Variants in AOPEP observed in about 807,000 individuals in gnomAD.
AOPEP encodes aminopeptidase O.
Under a neutral mutation model 98.1 loss-of-function variants are expected in AOPEP, and 77 were observed. The ratio of observed to expected loss-of-function variants is 0.78; its 90% CI spans 0.65 to 0.95. The LOEUF is 0.95. Ranked by LOEUF, AOPEP falls within the 40% of genes least tolerant of loss-of-function variation. The pLI, the probability that AOPEP is intolerant of heterozygous loss-of-function variation, is 0.00. For synonymous variants in AOPEP, 346 were observed against 365.3 expected, an observed-to-expected ratio of 0.95 and a Z score of 0.60; for missense variants, 1,024 against 1,024.7, an observed-to-expected ratio of 1.00 and a Z score of 0.01.
the AOPEP span, among the ~76,000 whole-genome samples, chr9:95,129,173 C>G: frequency 6.6e-6 from 1 of 152,162 alleles, no homozygotes; most frequent in Non-Finnish European, 1.5e-5. Context: ...CTTGCTACCC[C>G]TACAGCTGTG....
intron 9 of AOPEP, among the ~76,000 whole-genome samples, chr9:94,965,242 TC>T (rs1346437608): frequency 6.6e-6 from 1 of 152,212 alleles, no homozygotes; most frequent in Non-Finnish European, 1.5e-5. Flanking sequence ...TTTGGGGTTG[TC>T]CCCCCGCTCC....
chr9:94,773,123 T>C lies in AOPEP; in HGVS notation c.919T>C (p.Leu307=), dbSNP rs1339171763. The C allele has an allele frequency of 6.2e-7, 1 of 1,614,110 alleles. No homozygotes were observed. The highest frequency in any genetic ancestry group is 1.7e-5 in the Admixed American group (1 of 60,006). The part of the protein sequence containing the change: ...TVRAAASFVV[L]MSGENSAKPT... ...TCGAGCAGCTGCATCTTTTGTTGTTTTAATGAGTGGGGAAAATTCTGCCAA... is the reference window on the plus strand; with the variant it reads ...TCGAGCAGCTGCATCTTTTGTTGTTCTAATGAGTGGGGAAAATTCTGCCAA... Residue 307 remains leucine (L), a synonymous_variant, in exon 3 of 17, where the codon TTA becomes CTA. Transcript: ENST00000375315.
chr9:94,753,023 G>A (rs1034562392), intron 1 of AOPEP, among the ~76,000 whole-genome samples: 1 of 152,022 alleles, frequency 6.6e-6, no homozygotes, highest in Non-Finnish European at 1.5e-5. Context: ...TTAAATAAGC[G>A]GCCTTTCTGG....
At chr9:94,780,846 G>A (rs1423360454) in intron 3 of AOPEP, among the ~76,000 whole-genome samples, 2 of 152,154 alleles carry the variant, frequency 1.3e-5, no homozygotes, top group Non-Finnish European at 2.9e-5. Context: ...TGACACATAG[G>A]CCTGATTAGC....
chr9:94,757,405 C>T (rs1020028172), intron 1 of AOPEP, among the ~76,000 whole-genome samples: 5 of 152,186 alleles, frequency 3.3e-5, no homozygotes, highest in African/African-American at 9.7e-5. Flanking sequence ...ACACATACCA[C>T]GTAGTACACT....
chr9:94,899,285 C>T (rs1196801920), intron 5 of AOPEP, among the ~76,000 whole-genome samples: 1 of 140,112 alleles, frequency 7.1e-6, no homozygotes, highest in Non-Finnish European at 1.5e-5. Context: ...CCTGGGTTCA[C>T]GCCATTCTCC....
intron 4 of AOPEP, among the ~76,000 whole-genome samples, chr9:94,797,363 G>A (rs1401325242): frequency 3.3e-5 from 5 of 151,462 alleles, no homozygotes; most frequent in South Asian, 2.1e-4. Context: ...CCAGGGAGTC[G>A]GAGGTTGCAG....
At chr9:94,998,979 C>A (rs2061398331) in intron 11 of AOPEP, among the ~76,000 whole-genome samples, 1 of 152,058 alleles carries the variant, frequency 6.6e-6, no homozygotes. Context: ...TTTGACAGTT[C>A]TTTTCATAGA....
chr9:94,926,074 A>T (rs1158004309), intron 6 of AOPEP, among the ~76,000 whole-genome samples: 1 of 152,198 alleles, frequency 6.6e-6, no homozygotes, highest in Admixed American at 6.5e-5. Context: ...TGAGACTCTC[A>T]GATTCGCGCT....
At chr9:94,727,534 T>A (rs1454261103) in intron 1 of AOPEP, among the ~76,000 whole-genome samples, 1 of 151,994 alleles carries the variant, frequency 6.6e-6, no homozygotes, top group Non-Finnish European at 1.5e-5. Context: ...AAAACAACAA[T>A]AAGGTTCATA....
intron 4 of AOPEP, among the ~76,000 whole-genome samples, chr9:94,796,343 G>T (rs1846931763): frequency 6.6e-6 from 1 of 152,186 alleles, no homozygotes; most frequent in African/African-American, 2.4e-5. Flanking sequence ...GCTTAGTTCT[G>T]CCCTGGCTGT....
At chr9:94,839,812 A>C (rs753520345) in intron 5 of AOPEP, among the ~76,000 whole-genome samples, 14 of 152,032 alleles carry the variant, frequency 9.2e-5, no homozygotes, top group Non-Finnish European at 1.8e-4. Context: ...TCTGTCGCTC[A>C]GGCTGGAGTG....
At chr9:95,147,349 T>C in the AOPEP span, among the ~76,000 whole-genome samples, 11 of 152,082 alleles carry the variant, frequency 7.2e-5, no homozygotes, top group Non-Finnish European at 1.6e-4. Context: ...AAACCCTGTC[T>C]CTACTAAAAA....
intron 13 of AOPEP, among the ~76,000 whole-genome samples, chr9:95,046,345 C>T (rs1336223429): frequency 1.3e-5 from 2 of 152,134 alleles, no homozygotes; most frequent in Non-Finnish European, 2.9e-5. Flanking sequence ...TTTGTGTGAG[C>T]GATGAGGCTG....
chr9:94,952,951 C>T (rs1410124542), intron 7 of AOPEP, among the ~76,000 whole-genome samples: 1 of 151,894 alleles, frequency 6.6e-6, no homozygotes, highest in African/African-American at 2.4e-5. Context: ...CAACTGAAGG[C>T]GTCATTGGGA....
chr9:95,114,991 A>T, the AOPEP span, among the ~76,000 whole-genome samples: 1 of 152,156 alleles, frequency 6.6e-6, no homozygotes, highest in Non-Finnish European at 1.5e-5. Context: ...CAGAGGCTGG[A>T]GTGCAGTGGT....
At chr9:94,990,713 C>T (rs769510393) in intron 11 of AOPEP, among the ~76,000 whole-genome samples, 4 of 152,146 alleles carry the variant, frequency 2.6e-5, no homozygotes, top group Non-Finnish European at 5.9e-5. Flanking sequence ...CAACCTCCTC[C>T]TCCTCCTAGG....
chr9:94,825,729 A>T (rs1441707881), intron 5 of AOPEP, among the ~76,000 whole-genome samples: 1 of 152,144 alleles, frequency 6.6e-6, no homozygotes, highest in African/African-American at 2.4e-5. Flanking sequence ...GTTTTATTCC[A>T]TTCAGGGACT....
At position 95,080,769 on chromosome 9, in the gene AOPEP, C is replaced by G. The variant is rs865913187; in HGVS notation, c.2308C>G (p.Gln770Glu). ...KAYKSVERFL[Q>E]EDQAMGVYLY... ...CTACAAAAGTGTGGAGAGGTTCCTT[C>G]AGGAGGATCAGGTAGGTGTCATCTT... Residue 770 changes from glutamine to glutamate, a missense_variant, in exon 15 of 17, where the codon CAG becomes GAG. By Grantham distance (29) the Gln-to-Glu change is conservative. Coordinates refer to ENST00000375315, the MANE Select transcript of AOPEP (RefSeq NM_001193329.3). 1 of 1,613,168 alleles carries G rather than the reference C, an allele frequency of 6.2e-7. No individual in the cohort carries two copies. Among genetic ancestry groups the G allele is most frequent in the Admixed American group, 1.7e-5 (1 of 60,012 alleles).
Sources: allele counts gnomAD v4.1 joint callset (sites outside exome capture counted in the v4.1 genomes callset), GRCh38; gene constraint gnomAD v4.1.1; transcripts MANE v1.5; gene names NCBI Gene and HGNC (gene_info 2026-07-23, HGNC 2026-07-21).